MB21D2: variants seen among roughly 807,000 people sequenced by gnomAD.
MB21D2 encodes Mab-21 domain containing 2, also known as nucleotidyltransferase MB21D2.
Under a neutral mutation model 33.3 loss-of-function variants are expected in MB21D2, and 9 were observed. The observed-to-expected ratio is 0.27, with a 90% CI of 0.16 to 0.47. The LOEUF is 0.47. MB21D2 is among the 20% of genes least tolerant of loss of function. The pLI, the probability that MB21D2 is intolerant of heterozygous loss-of-function variation, is 0.99. For synonymous variants in MB21D2, 241 were observed against 236.3 expected, an observed-to-expected ratio of 1.02 and a Z score of -0.18; for missense variants, 540 against 624.6, an observed-to-expected ratio of 0.86 and a Z score of 1.44.
Position 192,798,628 on chromosome 3 carries a change from G to T in MB21D2, c.1234C>A (p.Arg412Ser). ...SVRSDPAEHLRTAIEHVKAAN... is the reference protein window; with the variant it reads ...SVRSDPAEHLSTAIEHVKAAN... ...GCCTTGACATGCTCAATGGCGGTGC[G>T]CAAGTGCTCTGCCGGGTCTGAGCGC... The change falls in exon 2 of 2, where the codon CGC becomes AGC. Residue 412 changes from arginine to serine, a missense_variant. Transcript: ENST00000392452. The surrounding 1 kb of genome is among the most constrained non-coding windows in gnomAD (Gnocchi z 4.8). The T allele has an allele frequency of 6.2e-7, 1 of 1,613,862 alleles. No homozygotes were observed. Among genetic ancestry groups the T allele is most frequent in the Non-Finnish European group, 8.5e-7 (1 of 1,180,038 alleles).
intron 1 of MB21D2, among the ~76,000 whole-genome samples, chr3:192,874,918 T>G (rs1321488853): frequency 6.6e-6 from 1 of 152,164 alleles, no homozygotes; most frequent in Non-Finnish European, 1.5e-5. Flanking sequence ...CTCCCCTGGC[T>G]GTTAGGTCTA....
intron 1 of MB21D2, among the ~76,000 whole-genome samples, chr3:192,877,875 C>A (rs1713467266): frequency 6.6e-6 from 1 of 151,770 alleles, no homozygotes; most frequent in Non-Finnish European, 1.5e-5. Flanking sequence ...ATGGGCATTT[C>A]TGTTGTCAGA....
chr3:192,814,943 A>G (rs941221581), intron 1 of MB21D2, among the ~76,000 whole-genome samples: 8 of 152,100 alleles, frequency 5.3e-5, no homozygotes, highest in Non-Finnish European at 8.8e-5. Flanking sequence ...ACTTTGAGAG[A>G]TGGCTTCTTT....
chr3:192,863,849 T>G (rs1314416520), intron 1 of MB21D2, among the ~76,000 whole-genome samples: 1 of 152,180 alleles, frequency 6.6e-6, no homozygotes. Flanking sequence ...GAAAGGGAGC[T>G]TCGCCAGACA....
intron 1 of MB21D2, among the ~76,000 whole-genome samples, chr3:192,822,904 T>C (rs1343497266): frequency 6.6e-6 from 1 of 152,194 alleles, no homozygotes; most frequent in Non-Finnish European, 1.5e-5. Flanking sequence ...AGTCAAGTAT[T>C]ACCACGCAGA....
At position 192,798,602 on chromosome 3, in the gene MB21D2, T is replaced by A. The variant is rs1481017705; in HGVS notation, c.1260A>T (p.Ala420=). 1 of 1,614,096 alleles carries A rather than the reference T, an allele frequency of 6.2e-7. No individual in the cohort carries two copies. The highest frequency in any genetic ancestry group is 1.3e-5 in the African/African-American group (1 of 75,052). Reference sequence around the variant, plus strand: ...GGAGCTCCAGTGTCAGCCGGTTGGCTGCCTTGACATGCTCAATGGCGGTGC... The same window carrying A: ...GGAGCTCCAGTGTCAGCCGGTTGGCAGCCTTGACATGCTCAATGGCGGTGC... ...HLRTAIEHVK[A]ANRLTLELQR... is the part of the protein sequence containing the mutation. Residue 420 remains alanine, a synonymous_variant, in exon 2 of 2, where the codon GCA becomes GCT. Coordinates refer to ENST00000392452, the MANE Select transcript of MB21D2 (RefSeq NM_178496.4). The surrounding 1 kb of genome is among the most constrained non-coding windows in gnomAD (Gnocchi z 4.8).
At chr3:192,808,095 C>T (rs945341135) in intron 1 of MB21D2, among the ~76,000 whole-genome samples, 4 of 152,118 alleles carry the variant, frequency 2.6e-5, no homozygotes, top group Non-Finnish European at 4.4e-5. Flanking sequence ...CTCTTTTTGG[C>T]AGTTAAATGC....
intron 1 of MB21D2, among the ~76,000 whole-genome samples, chr3:192,810,698 T>C (rs556962784): frequency 2.4e-4 from 37 of 152,366 alleles, no homozygotes; most frequent in African/African-American, 8.7e-4. Flanking sequence ...TGGCATAATA[T>C]GTTAAGGTAA....
At chr3:192,886,587 TC>T (rs1713737512) in intron 1 of MB21D2, among the ~76,000 whole-genome samples, 2 of 152,114 alleles carry the variant, frequency 1.3e-5, no homozygotes, top group Admixed American at 6.5e-5. Flanking sequence ...ATGACTACTA[TC>T]CTGAAATACG....
At chr3:192,854,917 T>C (rs1712883798) in intron 1 of MB21D2, among the ~76,000 whole-genome samples, 1 of 152,210 alleles carries the variant, frequency 6.6e-6, no homozygotes, top group Non-Finnish European at 1.5e-5. Context: ...AAAAGATTCT[T>C]TTCAAAATAT....
chr3:192,840,415 CTTTTTTTTTTTTTTTTT>C (rs71177380), intron 1 of MB21D2, among the ~76,000 whole-genome samples: 1 of 88,290 alleles, frequency 1.1e-5, no homozygotes, highest in Non-Finnish European at 2.1e-5. Context: ...TCTCTTTTTT[CTTTTTTTTTTTTTTTTT>C]TTTTTTTTGC....
At chr3:192,853,338 G>A (rs553535990) in intron 1 of MB21D2, among the ~76,000 whole-genome samples, 165 of 152,214 alleles carry the variant, frequency 1.1e-3, no homozygotes, top group Middle Eastern at 3.4e-3. Flanking sequence ...AGGCACTTCC[G>A]TGACAAATGG....
At chr3:192,822,187 G>A (rs923513672) in intron 1 of MB21D2, among the ~76,000 whole-genome samples, 3 of 151,994 alleles carry the variant, frequency 2.0e-5, no homozygotes, top group Admixed American at 6.6e-5. Flanking sequence ...GAAAAAAGGC[G>A]GGGTGGGGGT....
chr3:192,906,600 CTCAA>C (rs1238592879), intron 1 of MB21D2, among the ~76,000 whole-genome samples: 2 of 152,210 alleles, frequency 1.3e-5, no homozygotes, highest in Admixed American at 6.5e-5. Flanking sequence ...GAGAAGGCTT[CTCAA>C]TCATTCTTCA....
chr3:192,910,807 T>C (rs1714335285), intron 1 of MB21D2, among the ~76,000 whole-genome samples: 1 of 152,196 alleles, frequency 6.6e-6, no homozygotes, highest in Non-Finnish European at 1.5e-5. Context: ...GCATTTTCTA[T>C]CATTGGAAAA....
At chr3:192,868,020 T>A (rs964578541) in intron 1 of MB21D2, among the ~76,000 whole-genome samples, 1 of 152,286 alleles carries the variant, frequency 6.6e-6, no homozygotes, top group African/African-American at 2.4e-5. Flanking sequence ...TTGTAGGCCA[T>A]CCGCTTTGTA....
chr3:192,805,909 T>C (rs528881570), intron 1 of MB21D2, among the ~76,000 whole-genome samples: 1 of 152,364 alleles, frequency 6.6e-6, no homozygotes, highest in South Asian at 2.1e-4. Flanking sequence ...GGAGTTATTT[T>C]AAAGATTTAA....
At chr3:192,828,302 G>C (rs1241186479) in intron 1 of MB21D2, among the ~76,000 whole-genome samples, 1 of 151,672 alleles carries the variant, frequency 6.6e-6, no homozygotes. Flanking sequence ...AGTGAAGTGT[G>C]GGTTTTAAAA....
At chr3:192,824,976 C>T (rs976549918) in intron 1 of MB21D2, among the ~76,000 whole-genome samples, 8 of 152,212 alleles carry the variant, frequency 5.3e-5, no homozygotes, top group Admixed American at 2.0e-4. Flanking sequence ...TAAAACATTA[C>T]ATACCCCGAG....
Sources: allele counts gnomAD v4.1 joint callset (sites outside exome capture counted in the v4.1 genomes callset), GRCh38; gene constraint gnomAD v4.1.1; non-coding constraint Gnocchi (gnomAD v3.1); transcripts MANE v1.5; gene names NCBI Gene and HGNC (gene_info 2026-07-23, HGNC 2026-07-21).